Variants in SPAG17 observed in about 807,000 individuals in gnomAD.
SPAG17 encodes the protein sperm-associated antigen 17.
In SPAG17, 169 loss-of-function variants were observed where a neutral mutation model predicts 273.6. The observed-to-expected ratio is 0.62, with a 90% CI of 0.55 to 0.70. SPAG17 has a LOEUF of 0.70. Among genes scored for constraint, SPAG17 ranks in the 30% least tolerant of loss-of-function variants. The probability of loss-of-function intolerance (pLI) is 0.00; values close to 1 mark genes in which losing one functional copy is unlikely to be tolerated. For synonymous variants in SPAG17, 825 were observed against 873.2 expected, an observed-to-expected ratio of 0.94 and a Z score of 0.97; for missense variants, 2,557 against 2,627.8, an observed-to-expected ratio of 0.97 and a Z score of 0.59.
intron 24 of SPAG17, among the ~76,000 whole-genome samples, chr1:118,033,606 A>G (rs1648731497): frequency 6.6e-6 from 1 of 152,214 alleles, no homozygotes; most frequent in African/African-American, 2.4e-5. Context: ...ATGCTCCTAA[A>G]GTAAAATATG....
At chr1:118,179,091 G>GA (rs978632065) in intron 1 of SPAG17, among the ~76,000 whole-genome samples, 1 of 151,568 alleles carries the variant, frequency 6.6e-6, no homozygotes, top group Non-Finnish European at 1.5e-5. Context: ...CACAGAAATA[G>GA]AAAAAAAATC....
intron 25 of SPAG17, among the ~76,000 whole-genome samples, chr1:118,028,783 G>T (rs1407747785): frequency 6.6e-6 from 1 of 152,160 alleles, no homozygotes; most frequent in Non-Finnish European, 1.5e-5. Context: ...AAACTCGTAT[G>T]TTGGAACCTA....
At position 118,115,253 on chromosome 1, in the gene SPAG17, G is replaced by A. The variant is rs1049900292; in HGVS notation, c.447+57C>T. The A allele has an allele frequency of 2.5e-6, 4 of 1,591,044 alleles. No homozygotes were observed. In the African/African-American group the frequency reaches 4.1e-5, roughly 16 times the overall value. Reference sequence around the variant, plus strand: ...AGAGGAAGTGCCCCTGGAGAAACCTGGCTCCATTTCATTCACCACTTGCCC... The same window carrying A: ...AGAGGAAGTGCCCCTGGAGAAACCTAGCTCCATTTCATTCACCACTTGCCC... On this transcript the variant is annotated intron_variant, in intron 4 of 48. Coordinates refer to ENST00000336338, the MANE Select transcript of SPAG17 (RefSeq NM_206996.4).
intron 3 of SPAG17, among the ~76,000 whole-genome samples, chr1:118,115,724 G>C (rs1260302113): frequency 6.6e-6 from 1 of 152,148 alleles, no homozygotes; most frequent in East Asian, 1.9e-4. Context: ...CCAGGAAAAG[G>C]GTAGAGAAAA....
At chr1:118,109,228 G>A (rs1007063731) in intron 4 of SPAG17, among the ~76,000 whole-genome samples, 3 of 149,232 alleles carry the variant, frequency 2.0e-5, no homozygotes, top group Admixed American at 6.7e-5. Flanking sequence ...TGCAACCTCC[G>A]CCTGCCAGAT....
intron 24 of SPAG17, among the ~76,000 whole-genome samples, chr1:118,034,459 C>T (rs1463454799): frequency 1.3e-5 from 2 of 152,180 alleles, no homozygotes; most frequent in Non-Finnish European, 2.9e-5. Flanking sequence ...AATTCCCTCC[C>T]TTCAATTTTT....
intron 16 of SPAG17, 130 bp from the exon 17 acceptor site, chr1:118,074,097 TG>T: frequency 1.6e-6 from 1 of 630,138 alleles, no homozygotes; most frequent in Non-Finnish European, 2.7e-6. Flanking sequence ...TAAATCCATA[TG>T]GCAACATTTT....
At position 118,086,909 on chromosome 1, in the gene SPAG17, G is replaced by C. The variant is rs1558003028; in HGVS notation, c.1459C>G (p.Leu487Val). 1 of 1,613,398 alleles carries C rather than the reference G, an allele frequency of 6.2e-7. No individual in the cohort carries two copies. The highest frequency in any genetic ancestry group is 1.7e-5 in the Admixed American group (1 of 59,722). ...DHRIAAHIVS[L>V]LPSLCLSERE... ...TCTGAGAGACAGAGTGAGGGCAGAA[G>C]GGACACAATGTGAGCTGCGATTCTG... The change falls in exon 11 of 49, where the codon CTT becomes GTT. Residue 487 changes from leucine to valine, a missense_variant. Coordinates refer to ENST00000336338, the MANE Select transcript of SPAG17 (RefSeq NM_206996.4).
intron 3 of SPAG17, among the ~76,000 whole-genome samples, chr1:118,148,972 T>C (rs1659223657): frequency 6.6e-6 from 1 of 152,194 alleles, no homozygotes; most frequent in African/African-American, 2.4e-5. Flanking sequence ...TGGCTGATGC[T>C]GACAAGGAGC....
At chr1:118,155,312 CAG>C (rs1264856269) in intron 1 of SPAG17, among the ~76,000 whole-genome samples, 6 of 152,230 alleles carry the variant, frequency 3.9e-5, no homozygotes, top group African/African-American at 7.2e-5. Context: ...CCCAGAGACA[CAG>C]GGTAAATTTA....
chr1:118,082,302 A>G (rs1175490053), intron 13 of SPAG17, among the ~76,000 whole-genome samples: 1 of 152,220 alleles, frequency 6.6e-6, no homozygotes, highest in African/African-American at 2.4e-5. Context: ...CTTACACTTT[A>G]GAAGTTCCAA....
intron 3 of SPAG17, among the ~76,000 whole-genome samples, chr1:118,135,409 G>GTA (rs1207521430): frequency 1.6e-5 from 2 of 129,024 alleles, no homozygotes; most frequent in Non-Finnish European, 3.4e-5. Flanking sequence ...GTGTGTGTGT[G>GTA]TATGTGTGTG....
intron 42 of SPAG17, among the ~76,000 whole-genome samples, chr1:117,982,992 C>A (rs1359897323): frequency 6.6e-6 from 1 of 152,162 alleles, no homozygotes; most frequent in Non-Finnish European, 1.5e-5. Flanking sequence ...CAAGAATTCT[C>A]TATAGGATTG....
At chr1:118,057,324 C>A (rs1361383079) in intron 18 of SPAG17, among the ~76,000 whole-genome samples, 2 of 152,110 alleles carry the variant, frequency 1.3e-5, no homozygotes, top group Non-Finnish European at 2.9e-5. Context: ...CTGCAATAGC[C>A]TCCAACTGGT....
rs1558039483 is a variant in SPAG17, at chr1:118,139,241, GCAAATTAAAACCATAATGTGGTAT to G, written c.315+11278_315+11301del. On this transcript the variant is annotated intron_variant, in intron 3 of 48. Transcript: ENST00000336338. ...CAACATTGCTAATTATTAGGGAAAT[GCAAATTAAAACCATAATGTGGTAT>G]CATCTCACACCTGTCAGATAATTTT... Among the ~76,000 whole-genome samples the G allele has an allele frequency of 7.9e-5, 12 of 152,246 alleles. No individual in the cohort carries two copies. In the South Asian group the frequency reaches 2.3e-3, roughly 29 times the overall value.
chr1:118,125,886 C>T lies in SPAG17; in HGVS notation c.316-10445G>A, dbSNP rs899099812. Among the ~76,000 whole-genome samples, 11 of 151,982 alleles carry T rather than the reference C, an allele frequency of 7.2e-5. 1 individual carries two copies. The highest frequency in any genetic ancestry group is 2.4e-4 in the African/African-American group (10 of 41,376). ...TGGTTTCTTTTCCTTTGGATAAATA[C>T]CTAATAGGGGAATGGTGGATCATAT... On this transcript the variant is annotated intron_variant, in intron 3 of 48. Coordinates refer to ENST00000336338, the MANE Select transcript of SPAG17 (RefSeq NM_206996.4).
intron 1 of SPAG17, among the ~76,000 whole-genome samples, chr1:118,154,320 G>A (rs1306275070): frequency 1.3e-5 from 2 of 152,212 alleles, no homozygotes; most frequent in East Asian, 3.9e-4. Context: ...CTAATCACAT[G>A]GCCAGAACCT....
chr1:118,095,939 G>A (rs1558009663), intron 7 of SPAG17, among the ~76,000 whole-genome samples: 3 of 152,038 alleles, frequency 2.0e-5, no homozygotes, highest in Admixed American at 1.3e-4. Flanking sequence ...GGGTGGGGAG[G>A]GGCAAGGACA....
chr1:118,033,776 T>C (rs1648754438), intron 24 of SPAG17, among the ~76,000 whole-genome samples: 1 of 152,248 alleles, frequency 6.6e-6, no homozygotes, highest in Admixed American at 6.5e-5. Context: ...TGTGTGTTTA[T>C]TAACATGGTT....
Sources: gnomAD v4.1 joint callset for allele counts (sites outside exome capture counted in the v4.1 genomes callset) on GRCh38, gnomAD v4.1.1 for gene constraint, MANE v1.5 for transcripts, NCBI Gene and HGNC (gene_info 2026-07-23, HGNC 2026-07-21) for gene names.